Variants in EXD3 observed in about 807,000 individuals in gnomAD.
EXD3 encodes exonuclease mut-7 homolog.
In EXD3, 92 loss-of-function variants were observed where a neutral mutation model predicts 98.0. The ratio of observed to expected loss-of-function variants is 0.94; its 90% CI spans 0.79 to 1.12. The LOEUF (loss-of-function observed/expected upper bound fraction) is 1.12, where lower values mean the gene tolerates loss of function less well. Among genes scored for constraint, EXD3 ranks in the 50% most tolerant of loss-of-function variants. The pLI is 0.00. For missense variants in EXD3, 1,222 were observed against 1,191.6 expected (o/e 1.03, Z -0.38); for synonymous variants, 569 against 526.0 (o/e 1.08, Z -1.12).
chr9:137,355,964 G>A (rs942166446), intron 8 of EXD3, among the ~76,000 whole-genome samples: 9 of 152,120 alleles, frequency 5.9e-5, no homozygotes, highest in Non-Finnish European at 1.2e-4. Flanking sequence ...GGAGTCCTGC[G>A]GACTTGGACT....
chr9:137,312,159 G>A (rs1460389111), intron 19 of EXD3, among the ~76,000 whole-genome samples: 1 of 152,154 alleles, frequency 6.6e-6, no homozygotes, highest in Non-Finnish European at 1.5e-5. Flanking sequence ...GGGGCCTGAC[G>A]GGGACCCTGA....
rs548771317 is a variant in EXD3, at chr9:137,377,745, G to A, written c.121-4146C>T. Among the ~76,000 whole-genome samples the A allele has an allele frequency of 4.0e-5, 6 of 151,094 alleles. No homozygotes were observed. In the East Asian group the frequency reaches 1.2e-3, roughly 29 times the overall value. ...CAAAAAAGAAAGGAAGGGAGGGAGG[G>A]AGGAAACCTAAGAGAACTTTGAAAA... On this transcript the variant is annotated intron_variant, in intron 3 of 21. Coordinates refer to ENST00000340951, the MANE Select transcript of EXD3 (RefSeq NM_017820.5).
intron 2 of EXD3, among the ~76,000 whole-genome samples, chr9:137,384,210 C>T (rs747419162): frequency 6.6e-5 from 10 of 152,158 alleles, no homozygotes; most frequent in Non-Finnish European, 8.8e-5. Context: ...CGTGTTGCTG[C>T]GAGGGAGGCT....
rs528121544 is a variant in EXD3 at position 137,317,004 on chromosome 9, T to C, written c.2184+6721A>G. Among the ~76,000 whole-genome samples the C allele has an allele frequency of 2.6e-5, 4 of 152,268 alleles. No homozygotes were observed. The South Asian group carries it at 8.3e-4, about 32-fold the overall frequency. ...TCCCCACTTCAGCAAACCCATGTCA[T>C]GAGGCATAGGGGTGCAGGGGGCAGC... On this transcript the variant is annotated intron_variant, in intron 19 of 21. Coordinates refer to ENST00000340951, the MANE Select transcript of EXD3 (RefSeq NM_017820.5).
Position 137,403,142 on chromosome 9 carries a change from C to T in EXD3, c.-47-7738G>A, listed in dbSNP as rs529699070. Among the ~76,000 whole-genome samples the T allele has an allele frequency of 1.4e-4, 21 of 152,028 alleles. No homozygotes were observed. Among genetic ancestry groups the T allele is most frequent in the East Asian group, 9.7e-4 (5 of 5,132 alleles). ...GGCTCATTTCCTGCAGGATCCCCGG[C>T]GCTGACCCCTCTCCCCTCCATGGCA... On this transcript the variant is annotated intron_variant, in intron 1 of 21. Coordinates refer to ENST00000340951, the MANE Select transcript of EXD3 (RefSeq NM_017820.5). This position sits in a 1 kb window ranked among gnomAD's most constrained non-coding sequence, Gnocchi z 6.1.
At chr9:137,411,758 A>G (rs1588440340) in intron 1 of EXD3, among the ~76,000 whole-genome samples, 3 of 134,514 alleles carry the variant, frequency 2.2e-5, no homozygotes, top group African/African-American at 9.0e-5. Context: ...AGTGGGAGGG[A>G]GTCGGGGAGG....
At chr9:137,368,526 C>A (rs746175471) in intron 5 of EXD3, among the ~76,000 whole-genome samples, 2 of 152,204 alleles carry the variant, frequency 1.3e-5, no homozygotes, top group Admixed American at 1.3e-4. Context: ...TGGCTGCGAT[C>A]GGGGCACGGC....
chr9:137,351,641 G>T, intron 12 of EXD3, 113 bp from the exon 13 acceptor site: 1 of 954,866 alleles, frequency 1.0e-6, no homozygotes, highest in Non-Finnish European at 1.6e-6. Flanking sequence ...AGACGCCCCT[G>T]CACCCCTGCA....
intron 1 of EXD3, among the ~76,000 whole-genome samples, chr9:137,399,874 T>C (rs1210190398): frequency 6.6e-6 from 1 of 151,888 alleles, no homozygotes; most frequent in African/African-American, 2.4e-5. Flanking sequence ...CTGTCTTTAC[T>C]AAAAATACAA....
chr9:137,391,414 C>G (rs1836901664), intron 2 of EXD3, among the ~76,000 whole-genome samples: 1 of 152,046 alleles, frequency 6.6e-6, no homozygotes, highest in Non-Finnish European at 1.5e-5. Flanking sequence ...GGGCATGGGT[C>G]TCCTCCGGGA....
chr9:137,348,916 C>T (rs1191265316), intron 16 of EXD3, among the ~76,000 whole-genome samples, 194 bp downstream of exon 16: 2 of 151,972 alleles, frequency 1.3e-5, no homozygotes, highest in African/African-American at 4.8e-5. Context: ...GCAGTGACCC[C>T]CCAGGCAAGC....
At chr9:137,378,038 C>G (rs2131701438) in intron 3 of EXD3, among the ~76,000 whole-genome samples, 1 of 151,902 alleles carries the variant, frequency 6.6e-6, no homozygotes. Flanking sequence ...CGTGATTCGC[C>G]TACCTTGGCC....
intron 3 of EXD3, among the ~76,000 whole-genome samples, chr9:137,373,869 G>A (rs1835766102): frequency 6.6e-6 from 1 of 152,248 alleles, no homozygotes; most frequent in South Asian, 2.1e-4. Context: ...CGCTGGCCTG[G>A]GAGGCAACCG....
At chr9:137,384,208 T>C (rs761165151) in intron 2 of EXD3, among the ~76,000 whole-genome samples, 1 of 152,172 alleles carries the variant, frequency 6.6e-6, no homozygotes, top group Non-Finnish European at 1.5e-5. Flanking sequence ...CCCGTGTTGC[T>C]GCGAGGGAGG....
intron 17 of EXD3, among the ~76,000 whole-genome samples, chr9:137,333,147 G>A (rs919835852): frequency 6.6e-6 from 1 of 152,180 alleles, no homozygotes; most frequent in South Asian, 2.1e-4. Context: ...GATGCTTCCT[G>A]TCCTCGAACA....
chr9:137,363,547 A>G (rs1029180223), intron 7 of EXD3, among the ~76,000 whole-genome samples: 1 of 151,906 alleles, frequency 6.6e-6, no homozygotes. Flanking sequence ...CATGTTGGCC[A>G]GGCTGTTCTC....
At chr9:137,356,124 G>A in intron 8 of EXD3, 144 bp downstream of exon 8, 2 of 647,906 alleles carry the variant, frequency 3.1e-6, no homozygotes, top group Non-Finnish European at 2.7e-6. Context: ...CACGAGCTGG[G>A]CAAGAGGCAG....
chr9:137,387,468 C>T (rs1325131641), intron 2 of EXD3, among the ~76,000 whole-genome samples: 1 of 152,184 alleles, frequency 6.6e-6, no homozygotes, highest in Admixed American at 6.5e-5. Context: ...TGCTGACACT[C>T]ATCCCACACA....
At chr9:137,413,549 A>G (rs1194735220) in intron 1 of EXD3, among the ~76,000 whole-genome samples, 4 of 132,440 alleles carry the variant, frequency 3.0e-5, no homozygotes, top group African/African-American at 1.2e-4. Flanking sequence ...TCTGTCACCC[A>G]GGGTGGAGTG....
Sources: gnomAD v4.1 joint callset for allele counts (sites outside exome capture counted in the v4.1 genomes callset) on GRCh38, gnomAD v4.1.1 for gene constraint, Gnocchi (gnomAD v3.1) non-coding constraint, MANE v1.5 for transcripts, NCBI Gene and HGNC (gene_info 2026-07-23, HGNC 2026-07-21) for gene names.